Variants in AKNA observed in about 807,000 individuals in gnomAD.
AKNA encodes microtubule organization protein AKNA.
Under a neutral mutation model 138.8 loss-of-function variants are expected in AKNA, and 67 were observed. That is an observed-to-expected ratio of 0.48 (90% confidence interval 0.40 to 0.59). The LOEUF (loss-of-function observed/expected upper bound fraction) is 0.59, where lower values mean the gene tolerates loss of function less well. Ranked by LOEUF, AKNA falls within the 20% of genes least tolerant of loss-of-function variation. AKNA has a pLI of 0.00. For missense variants in AKNA, 1,813 were observed against 1,880.4 expected, an observed-to-expected ratio of 0.96 and a Z score of 0.66; for synonymous variants, 737 against 754.4, an observed-to-expected ratio of 0.98 and a Z score of 0.38.
At chr9:114,391,838 A>C (rs1281179686), upstream of AKNA, among the ~76,000 whole-genome samples, 1 of 134,792 alleles carries the variant, frequency 7.4e-6, no homozygotes, top group African/African-American at 2.7e-5. Flanking sequence ...TGGGCAACAG[A>C]GCAAGACTCT....
chr9:114,376,220 GCTCCCCACCCCAGGC>G (rs1833176770), intron 3 of AKNA: 2 of 317,832 alleles, frequency 6.3e-6, no homozygotes, highest in Non-Finnish European at 1.2e-5. Context: ...CTACCCCAGG[GCTCCCCACCCCAGGC>G]CTCCCCACCC....
intron 8 of AKNA, 84 bp from the exon 9 acceptor site, chr9:114,361,995 C>T: frequency 7.1e-7 from 1 of 1,412,962 alleles, no homozygotes; most frequent in Non-Finnish European, 9.7e-7. Context: ...AGAGCAGAGA[C>T]TCCAGGGGAT....
chr9:114,397,336 G>T (rs1370144628), upstream of AKNA, among the ~76,000 whole-genome samples: 1 of 152,168 alleles, frequency 6.6e-6, no homozygotes, highest in Non-Finnish European at 1.5e-5. Flanking sequence ...TCCAGAGAAG[G>T]CGCCTGGAAA....
chr9:114,330,576 G>A (rs1291425958), downstream of AKNA: 18 of 1,612,876 alleles, frequency 1.1e-5, no homozygotes, highest in Non-Finnish European at 1.5e-5. Flanking sequence ...TACCAGACCC[G>A]GTGAGAGCCC....
intron 21 of AKNA, among the ~76,000 whole-genome samples, chr9:114,340,150 C>G (rs1183876156): frequency 6.6e-6 from 1 of 152,150 alleles, no homozygotes; most frequent in African/African-American, 2.4e-5. Flanking sequence ...TAGGCCTGGT[C>G]CCCGAATAGA....
intron 3 of AKNA, chr9:114,375,996 T>G: frequency 2.3e-6 from 1 of 435,004 alleles, no homozygotes; most frequent in African/African-American, 2.3e-5. Context: ...CAAGCCAGCC[T>G]CCACCCCAGG....
At chr9:114,384,697 A>G (rs1217513756) in intron 1 of AKNA, among the ~76,000 whole-genome samples, 1 of 152,254 alleles carries the variant, frequency 6.6e-6, no homozygotes, top group Non-Finnish European at 1.5e-5. Context: ...TACATAATAC[A>G]TATAAGACAG....
chr9:114,331,833 G>T, downstream of AKNA: 1 of 1,613,698 alleles, frequency 6.2e-7, no homozygotes, highest in South Asian at 1.1e-5. Flanking sequence ...CAGCTGACAA[G>T]CCAGAGACGA....
At position 114,358,014 on chromosome 9, in the gene AKNA, G is replaced by A; in HGVS notation, c.2646C>T (p.Ser882=). 1 of 1,609,998 alleles carries A rather than the reference G, an allele frequency of 6.2e-7. No homozygotes were observed. Among genetic ancestry groups the A allele is most frequent in the Non-Finnish European group, 8.5e-7 (1 of 1,177,268 alleles). ...CCAGGCTGGTCATACTACTTTGGTG[G>A]GATGCTGCGGACTTGGTGCCTGGAG... is the stretch of plus-strand genomic sequence containing the variant. The part of the protein sequence containing the change: ...PHPPGTKSAA[S]HQSSMTSLEG... Residue 882 remains serine (S), a synonymous_variant, in exon 12 of 22, where the codon TCC becomes TCT. Transcript: ENST00000374088.
intron 8 of AKNA, 114 bp from the exon 9 acceptor site, chr9:114,362,025 A>G: frequency 9.5e-7 from 1 of 1,050,894 alleles, no homozygotes; most frequent in Non-Finnish European, 1.4e-6. Flanking sequence ...GGGTCCATTT[A>G]ATATCAGCCT....
At chr9:114,355,702 A>G (rs1466937032) in intron 14 of AKNA, among the ~76,000 whole-genome samples, 3 of 152,180 alleles carry the variant, frequency 2.0e-5, no homozygotes, top group Non-Finnish European at 2.9e-5. Context: ...ACACATTTAT[A>G]TCGGCACAGA....
At chr9:114,387,810 G>A (rs1029242902) in intron 1 of AKNA, 50 bp downstream of exon 1, 7 of 414,266 alleles carry the variant, frequency 1.7e-5, no homozygotes, top group South Asian at 3.4e-5. Context: ...TGACTGGCCC[G>A]TCCAGAAGGA....
intron 12 of AKNA, 112 bp downstream of exon 12, chr9:114,357,809 C>A: frequency 6.6e-7 from 1 of 1,511,240 alleles, no homozygotes; most frequent in Non-Finnish European, 8.9e-7. Context: ...GGGACAGGAG[C>A]AGCAAGTATT....
At chr9:114,398,109 T>G (rs1191739880), upstream of AKNA, among the ~76,000 whole-genome samples, 1 of 132,634 alleles carries the variant, frequency 7.5e-6, no homozygotes, top group East Asian at 2.4e-4. The surrounding 1 kb of genome is among the most constrained non-coding windows in gnomAD (Gnocchi z 4.2). Flanking sequence ...CAGCCCCAGC[T>G]GGAAAGAGAA....
chr9:114,382,393 C>T (rs575143386), intron 1 of AKNA, among the ~76,000 whole-genome samples: 1 of 152,128 alleles, frequency 6.6e-6, no homozygotes, highest in East Asian at 1.9e-4. Flanking sequence ...GAGTTCGAGA[C>T]CAGCCTGGGC....
chr9:114,387,668 G>A lies in AKNA; in HGVS notation c.-114+192C>T, dbSNP rs187004618. Among the ~76,000 whole-genome samples, 281 of 152,322 alleles carry A rather than the reference G, an allele frequency of 1.8e-3. 1 individual carries two copies. Among genetic ancestry groups the A allele is most frequent in the African/African-American group, 6.3e-3 (263 of 41,568 alleles). On this transcript the variant is annotated intron_variant, in intron 1 of 21. Coordinates refer to ENST00000374088, the MANE Select transcript of AKNA (RefSeq NM_001317950.2). Reference sequence around the variant, plus strand: ...GGAATCTAGCATCCTGAGGCTTGACGAAATCCTCCTTAAATCCACCCTTGC... The same window carrying A: ...GGAATCTAGCATCCTGAGGCTTGACAAAATCCTCCTTAAATCCACCCTTGC...
intron 4 of AKNA, among the ~76,000 whole-genome samples, chr9:114,373,282 A>G (rs1251589858): frequency 3.3e-5 from 5 of 151,880 alleles, no homozygotes; most frequent in Non-Finnish European, 7.4e-5. Context: ...CCTCCTCCGA[A>G]GACGGGGTGG....
At chr9:114,388,582 C>A (rs113269643), upstream of AKNA, among the ~76,000 whole-genome samples, 1 of 152,178 alleles carries the variant, frequency 6.6e-6, no homozygotes, top group Non-Finnish European at 1.5e-5. Flanking sequence ...GTGAACCTGG[C>A]GGATCAGGTA....
chr9:114,381,294 C>T lies in AKNA; in HGVS notation c.40G>A (p.Gly14Ser), dbSNP rs781167658. 1.2e-6 allele frequency: 2 copies of T among 1,610,082 alleles called. No homozygotes were observed. Among genetic ancestry groups the T allele is most frequent in the East Asian group, 2.2e-5 (1 of 44,772 alleles). The part of the protein sequence containing the change: ...SETEIRWAEP[G>S]LGKGPQRRRW... ...CGCCGCTGGGGGCCCTTCCCCAGGC[C>T]AGGCTCAGCCCAGCGGATCTCAGTC... The change falls in exon 2 of 22, where the codon GGC becomes AGC. Residue 14 changes from glycine (G) to serine (S), a missense_variant. Coordinates refer to ENST00000374088, the MANE Select transcript of AKNA (RefSeq NM_001317950.2).
Sources: gnomAD v4.1 joint callset for allele counts (sites outside exome capture counted in the v4.1 genomes callset) on GRCh38, gnomAD v4.1.1 for gene constraint, Gnocchi (gnomAD v3.1) non-coding constraint, MANE v1.5 for transcripts, NCBI Gene and HGNC (gene_info 2026-07-23, HGNC 2026-07-21) for gene names.